The following DOCK3 variants were observed in gnomAD, a reference collection of about 807,000 sequenced individuals.
DOCK3 encodes dedicator of cytokinesis 3.
Under a neutral mutation model 265.6 loss-of-function variants are expected in DOCK3, and 60 were observed. That is an observed-to-expected ratio of 0.23 (90% CI 0.18 to 0.28). The LOEUF (loss-of-function observed/expected upper bound fraction) is 0.28, where lower values mean the gene tolerates loss of function less well. Ranked by LOEUF, DOCK3 falls within the 10% of genes least tolerant of loss-of-function variation. The pLI is 1.00. For synonymous variants in DOCK3, 881 were observed against 938.0 expected (o/e 0.94, Z 1.11); for missense variants, 1,981 against 2,594.3 (o/e 0.76, Z 5.14).
At chr3:51,349,843 C>T (rs1420579326) in intron 39 of DOCK3, among the ~76,000 whole-genome samples, 3 of 152,176 alleles carry the variant, frequency 2.0e-5, no homozygotes, top group African/African-American at 7.2e-5. Context: ...AAGAGTTGGA[C>T]TGATGCAAAA....
intron 5 of DOCK3, among the ~76,000 whole-genome samples, chr3:51,044,622 A>G (rs1023731652): frequency 2.0e-5 from 3 of 148,960 alleles, no homozygotes; most frequent in Admixed American, 6.7e-5. Context: ...ATCTTTTTTT[A>G]ATAGAAGGCC....
At chr3:50,735,102 T>C (rs1297474802) in intron 1 of DOCK3, among the ~76,000 whole-genome samples, 4 of 152,104 alleles carry the variant, frequency 2.6e-5, no homozygotes, top group African/African-American at 9.7e-5. Context: ...TGCTGTCAGT[T>C]TTTTTTTCTT....
At chr3:50,940,980 A>C (rs1010853674) in intron 5 of DOCK3, among the ~76,000 whole-genome samples, 1 of 152,144 alleles carries the variant, frequency 6.6e-6, no homozygotes, top group Non-Finnish European at 1.5e-5. Context: ...AAACTTTCGG[A>C]AGAAAATTTT....
At chr3:50,770,441 G>A (rs1407483565) in intron 1 of DOCK3, among the ~76,000 whole-genome samples, 21 of 148,392 alleles carry the variant, frequency 1.4e-4, no homozygotes, top group African/African-American at 4.9e-4. Flanking sequence ...AAATTGAAGG[G>A]GACACAAAAA....
intron 4 of DOCK3, among the ~76,000 whole-genome samples, chr3:50,919,874 T>A (rs1210986147): frequency 6.6e-6 from 1 of 152,222 alleles, no homozygotes; most frequent in Non-Finnish European, 1.5e-5. Context: ...CAGTAAGATA[T>A]TGGCTGTGGG....
At chr3:51,129,079 A>T (rs898373526) in intron 9 of DOCK3, among the ~76,000 whole-genome samples, 1 of 152,198 alleles carries the variant, frequency 6.6e-6, no homozygotes, top group Non-Finnish European at 1.5e-5. Flanking sequence ...CCAATTTTCC[A>T]ATCATGCTTC....
intron 26 of DOCK3, chr3:51,278,599 C>G (rs938119273): frequency 1.1e-6 from 1 of 924,102 alleles, no homozygotes; most frequent in Non-Finnish European, 1.3e-6. Flanking sequence ...AAGGCACTCT[C>G]ACTGTAAGTA....
intron 27 of DOCK3, among the ~76,000 whole-genome samples, chr3:51,289,521 C>A (rs139733744): frequency 0.013 from 1,910 of 152,198 alleles, 51 homozygotes; most frequent in African/African-American, 0.042. Context: ...CTACAAACAA[C>A]CAACCAGAAA....
intron 1 of DOCK3, among the ~76,000 whole-genome samples, chr3:50,771,806 G>A (rs184544459): frequency 1.4e-4 from 21 of 152,268 alleles, no homozygotes; most frequent in Admixed American, 1.2e-3. Flanking sequence ...AGCTGAGATT[G>A]CGCCACTGCA....
chr3:51,296,185 A>G (rs1347313559), intron 27 of DOCK3, among the ~76,000 whole-genome samples: 4 of 152,194 alleles, frequency 2.6e-5, no homozygotes, highest in African/African-American at 9.6e-5. Flanking sequence ...CCAGCAATAA[A>G]TGATTCAAAA....
At chr3:51,050,507 A>G (rs1334388725) in intron 5 of DOCK3, among the ~76,000 whole-genome samples, 1 of 152,224 alleles carries the variant, frequency 6.6e-6, no homozygotes, top group Non-Finnish European at 1.5e-5. Flanking sequence ...ATAGATATAT[A>G]CATAAAAGGA....
chr3:51,005,898 C>A (rs191313667), intron 5 of DOCK3, among the ~76,000 whole-genome samples: 2 of 152,314 alleles, frequency 1.3e-5, no homozygotes, highest in East Asian at 3.9e-4. Flanking sequence ...TATCATCTAA[C>A]CCAGAGTAGA....
intron 21 of DOCK3, among the ~76,000 whole-genome samples, chr3:51,245,836 T>A (rs1196065766): frequency 1.3e-5 from 2 of 152,208 alleles, no homozygotes; most frequent in Non-Finnish European, 2.9e-5. Context: ...TTTATATGCG[T>A]CTTTCTATTA....
chr3:51,004,051 G>A (rs1158444215), intron 5 of DOCK3, among the ~76,000 whole-genome samples: 1 of 152,132 alleles, frequency 6.6e-6, no homozygotes, highest in East Asian at 1.9e-4. Flanking sequence ...ACACTCCCAT[G>A]AAATACCCTC....
At chr3:50,781,267 C>CTT (rs34844040) in intron 2 of DOCK3, among the ~76,000 whole-genome samples, 6,486 of 120,138 alleles carry the variant, frequency 0.054, 314 homozygotes, top group Non-Finnish European at 0.068. Context: ...TATAGTAGTT[C>CTT]TTTTTTTTTT....
intron 9 of DOCK3, among the ~76,000 whole-genome samples, chr3:51,129,825 G>T (rs1277250112): frequency 6.6e-6 from 1 of 152,222 alleles, no homozygotes; most frequent in African/African-American, 2.4e-5. Flanking sequence ...CATTGGATCT[G>T]CTGGGTCATA....
At chr3:50,874,723 G>T (rs2107609363) in intron 3 of DOCK3, among the ~76,000 whole-genome samples, 1 of 152,180 alleles carries the variant, frequency 6.6e-6, no homozygotes, top group South Asian at 2.1e-4. Context: ...TTGTAAATCA[G>T]ATTGCCTTTT....
At chr3:51,323,599 A>G (rs1489998627) in intron 32 of DOCK3, among the ~76,000 whole-genome samples, 3 of 152,220 alleles carry the variant, frequency 2.0e-5, no homozygotes. Context: ...GTTAATAACA[A>G]AATGAAGGCA....
intron 3 of DOCK3, among the ~76,000 whole-genome samples, chr3:50,886,187 GAT>G (rs141280910): frequency 7.7e-4 from 102 of 132,640 alleles, no homozygotes; most frequent in Middle Eastern, 3.8e-3. Context: ...TTATTTTGGA[GAT>G]ATATATATAT....
Sources: allele counts gnomAD v4.1 joint callset (sites outside exome capture counted in the v4.1 genomes callset), GRCh38; gene constraint gnomAD v4.1.1; transcripts MANE v1.5; gene names NCBI Gene and HGNC (gene_info 2026-07-23, HGNC 2026-07-21).